ZNF385D: variants seen among roughly 807,000 people sequenced by gnomAD.
ZNF385D encodes zinc finger protein 385D.
A neutral mutation model predicts 35.8 loss-of-function variants in ZNF385D; 15 were observed. That is an observed-to-expected ratio of 0.42 (90% CI 0.28 to 0.64). The LOEUF (loss-of-function observed/expected upper bound fraction) is 0.64. ZNF385D is among the 30% of genes least tolerant of loss of function. The probability of loss-of-function intolerance (pLI) is 0.23; values close to 1 mark genes in which losing one functional copy is unlikely to be tolerated. For missense variants in ZNF385D, 474 were observed against 494.6 expected, an observed-to-expected ratio of 0.96 and a Z score of 0.39; for synonymous variants, 212 against 186.8, an observed-to-expected ratio of 1.13 and a Z score of -1.10.
chr3:21,685,092 C>A lies in ZNF385D; in HGVS notation c.23-20064G>T, dbSNP rs375927006. ...GTGATAAAGGAATATACGTTTTTAA[C>A]GCTAAGAAAAAAATACTGCAAAATC... On this transcript the variant is annotated intron_variant, in intron 1 of 7. Coordinates refer to ENST00000281523, the MANE Select transcript of ZNF385D (RefSeq NM_024697.3). 9.2e-5 allele frequency among the ~76,000 whole-genome samples: 14 copies of A among 152,220 alleles called. No individual in the cohort carries two copies. The South Asian group carries it at 2.9e-3, about 32-fold the overall frequency.
At chr3:22,153,533 G>A (rs144818376) in intron 3 of ZNF385D, among the ~76,000 whole-genome samples, 124 of 148,518 alleles carry the variant, frequency 8.3e-4, no homozygotes, top group African/African-American at 2.8e-3. Context: ...GCACGGTCTC[G>A]GATCACTGCA....
In ZNF385D at chr3:22,278,700, T is replaced by G. The variant is rs1701559491; in HGVS notation, c.106+93750A>C. Reference sequence around the variant, plus strand: ...TGACACTCTCCACTTCTTTTTCATTTCTTCCAGGGGTTTGAAGAAAGGATC... The same window carrying G: ...TGACACTCTCCACTTCTTTTTCATTGCTTCCAGGGGTTTGAAGAAAGGATC... On this transcript the variant is annotated intron_variant, in intron 2 of 5. Transcript: ENST00000494108. Among the ~76,000 whole-genome samples, 5 of 152,134 alleles carry G rather than the reference T, an allele frequency of 3.3e-5. No individual in the cohort carries two copies. The South Asian group carries it at 1.0e-3, about 31-fold the overall frequency.
intron 3 of ZNF385D, among the ~76,000 whole-genome samples, chr3:21,547,501 C>G (rs1460596453): frequency 6.6e-6 from 1 of 152,090 alleles, no homozygotes; most frequent in Non-Finnish European, 1.5e-5. Context: ...CCCCTTAGGC[C>G]TCTAGGGAAG....
chr3:22,089,738 T>C (rs2695640), intron 3 of ZNF385D, among the ~76,000 whole-genome samples: 19,542 of 152,250 alleles, frequency 0.13, 1,559 homozygotes, highest in Middle Eastern at 0.24. Context: ...CAAAGGGTAA[T>C]AGTTGTTTCC....
At chr3:21,825,972 T>C (rs113275827) in intron 3 of ZNF385D, among the ~76,000 whole-genome samples, 11,360 of 152,208 alleles carry the variant, frequency 0.075, 578 homozygotes, top group South Asian at 0.11. Flanking sequence ...GGGATCTAGG[T>C]TGGGGCTAGA....
chr3:22,185,388 C>T lies in ZNF385D; in HGVS notation c.107-16353G>A, dbSNP rs774733195. 7.2e-5 allele frequency among the ~76,000 whole-genome samples: 11 copies of T among 152,228 alleles called. No individual in the cohort carries two copies. The East Asian group carries it at 9.6e-4, about 13-fold the overall frequency. On this transcript the variant is annotated intron_variant, in intron 2 of 5. Transcript: ENST00000494108. ...ATGCAAGCTAAACTACAATTTTATG[C>T]GCAAAAACCATGGACAGTGGCAATC...
intron 4 of ZNF385D, among the ~76,000 whole-genome samples, chr3:21,438,685 C>T (rs1049868324): frequency 2.0e-5 from 3 of 152,090 alleles, no homozygotes; most frequent in Non-Finnish European, 4.4e-5. Context: ...CACTTTCAAT[C>T]ACTTATCTAC....
At chr3:21,528,755 A>C (rs1000992610) in intron 3 of ZNF385D, among the ~76,000 whole-genome samples, 4 of 152,210 alleles carry the variant, frequency 2.6e-5, no homozygotes, top group African/African-American at 9.6e-5. Flanking sequence ...AAACTAACAA[A>C]TACATCTACT....
rs551815617 is a variant in ZNF385D at position 21,568,976 on chromosome 3, T to C, written c.166-4292A>G. On this transcript the variant is annotated intron_variant, in intron 2 of 7. Coordinates refer to ENST00000281523, the MANE Select transcript of ZNF385D (RefSeq NM_024697.3). Reference sequence around the variant, plus strand: ...TATTTATTCAGTTTCTAAATTGTGATATTTTGAAAGATAGAATTTTCAGAA... The same window carrying C: ...TATTTATTCAGTTTCTAAATTGTGACATTTTGAAAGATAGAATTTTCAGAA... 2.2e-4 allele frequency among the ~76,000 whole-genome samples: 34 copies of C among 152,336 alleles called. No individual in the cohort carries two copies. In the East Asian group the frequency reaches 6.2e-3, roughly 28 times the overall value.
intron 3 of ZNF385D, among the ~76,000 whole-genome samples, chr3:22,121,412 G>C (rs1340177204): frequency 6.6e-6 from 1 of 152,202 alleles, no homozygotes; most frequent in Non-Finnish European, 1.5e-5. Context: ...AACTGCTGAA[G>C]TCTTTGATTA....
intron 3 of ZNF385D, among the ~76,000 whole-genome samples, chr3:22,093,295 T>C (rs924659142): frequency 3.3e-5 from 5 of 151,978 alleles, no homozygotes; most frequent in Non-Finnish European, 7.4e-5. Flanking sequence ...GTATAGGCTT[T>C]TAATATATGC....
intron 3 of ZNF385D, among the ~76,000 whole-genome samples, chr3:22,085,060 C>T (rs536692680): frequency 5.9e-5 from 9 of 152,132 alleles, no homozygotes; most frequent in East Asian, 1.9e-4. Context: ...AGAATCTCTG[C>T]GACACATTTA....
At chr3:22,265,230 AC>A (rs1387506079) in intron 2 of ZNF385D, among the ~76,000 whole-genome samples, 1 of 151,962 alleles carries the variant, frequency 6.6e-6, no homozygotes, top group Non-Finnish European at 1.5e-5. Flanking sequence ...TTACAGGGCG[AC>A]CTACTCAGAT....
At chr3:21,714,496 T>A (rs2068235895) in intron 1 of ZNF385D, among the ~76,000 whole-genome samples, 2 of 152,130 alleles carry the variant, frequency 1.3e-5, no homozygotes, top group African/African-American at 4.8e-5. Flanking sequence ...CCACTCCCAC[T>A]TTTTATGGAT....
chr3:22,284,103 A>C (rs1701903353), intron 2 of ZNF385D, among the ~76,000 whole-genome samples: 1 of 152,166 alleles, frequency 6.6e-6, no homozygotes, highest in African/African-American at 2.4e-5. Flanking sequence ...AAGATAGTAC[A>C]ACTGCCATTC....
chr3:22,328,649 G>C (rs960743115), intron 2 of ZNF385D, among the ~76,000 whole-genome samples: 8 of 151,598 alleles, frequency 5.3e-5, no homozygotes, highest in Admixed American at 3.9e-4. Flanking sequence ...TGTAGTCCCA[G>C]CTACTCAGGA....
At chr3:21,762,183 C>T (rs947071036) in intron 3 of ZNF385D, among the ~76,000 whole-genome samples, 2 of 151,900 alleles carry the variant, frequency 1.3e-5, no homozygotes. Flanking sequence ...AGTCTGTCTT[C>T]CCTTTTTTAT....
rs148789549 is a variant in ZNF385D at position 21,982,910 on chromosome 3, T to C, written c.325+185907A>G. On this transcript the variant is annotated intron_variant, in intron 3 of 5. Coordinates refer to the ZNF385D transcript ENST00000494108. ...AATCACATTTATTGATTTGTGTATG[T>C]TGAACCAACTTGCCTTCTGGGGATG... Among the ~76,000 whole-genome samples the C allele has an allele frequency of 3.3e-5, 5 of 152,268 alleles. No homozygotes were observed. The East Asian group carries it at 9.7e-4, about 29-fold the overall frequency.
At chr3:21,671,378 G>A (rs1449014047) in intron 1 of ZNF385D, among the ~76,000 whole-genome samples, 1 of 152,160 alleles carries the variant, frequency 6.6e-6, no homozygotes, top group African/African-American at 2.4e-5. Context: ...ATGGAGTGCT[G>A]TAGTTAATGG....
Sources: allele counts gnomAD v4.1 joint callset (sites outside exome capture counted in the v4.1 genomes callset), GRCh38; gene constraint gnomAD v4.1.1; transcripts MANE v1.5; gene names NCBI Gene and HGNC (gene_info 2026-07-23, HGNC 2026-07-21).